The following DOCK3 variants were observed in gnomAD, a reference collection of about 807,000 sequenced individuals.
The protein encoded by DOCK3 is dedicator of cytokinesis 3, also known as dedicator of cytokinesis protein 3.
In DOCK3, 60 loss-of-function variants were observed where a neutral mutation model predicts 265.6. The ratio of observed to expected loss-of-function variants is 0.23; its 90% CI spans 0.18 to 0.28. The LOEUF (loss-of-function observed/expected upper bound fraction) is 0.28. Ranked by LOEUF, DOCK3 falls within the 10% of genes least tolerant of loss-of-function variation. The pLI, the probability that DOCK3 is intolerant of heterozygous loss-of-function variation, is 1.00. For synonymous variants in DOCK3, 881 were observed against 938.0 expected, an observed-to-expected ratio of 0.94 and a Z score of 1.11; for missense variants, 1,981 against 2,594.3, an observed-to-expected ratio of 0.76 and a Z score of 5.14.
intron 1 of DOCK3, among the ~76,000 whole-genome samples, chr3:50,706,757 G>A (rs936697138): frequency 2.0e-5 from 3 of 151,784 alleles, no homozygotes; most frequent in African/African-American, 7.3e-5. Context: ...GGTGTCTTGT[G>A]TGTCTCATAG....
At chr3:51,183,461 G>A (rs965932039) in intron 12 of DOCK3, among the ~76,000 whole-genome samples, 5 of 151,804 alleles carry the variant, frequency 3.3e-5, no homozygotes, top group Non-Finnish European at 5.9e-5. Context: ...ATAGTAAGAG[G>A]GACTTTGGGC....
chr3:50,953,730 C>T (rs534598812), intron 5 of DOCK3, among the ~76,000 whole-genome samples: 5 of 152,032 alleles, frequency 3.3e-5, no homozygotes, highest in African/African-American at 7.2e-5. Context: ...TAAAATTTCA[C>T]CTCCTCACAT....
At chr3:50,684,081 A>G (rs1443048213) in intron 1 of DOCK3, among the ~76,000 whole-genome samples, 2 of 152,054 alleles carry the variant, frequency 1.3e-5, no homozygotes, top group Admixed American at 6.5e-5. Context: ...TTGGAATCCC[A>G]TGATTCCCTT....
At chr3:50,746,481 A>G (rs1576317646) in intron 1 of DOCK3, among the ~76,000 whole-genome samples, 1 of 152,112 alleles carries the variant, frequency 6.6e-6, no homozygotes, top group East Asian at 1.9e-4. Flanking sequence ...CCTTTGCCTA[A>G]CCGAAGGTCA....
At chr3:50,760,758 A>T (rs1464125886) in intron 1 of DOCK3, among the ~76,000 whole-genome samples, 1 of 151,454 alleles carries the variant, frequency 6.6e-6, no homozygotes, top group African/African-American at 2.4e-5. Context: ...CTAGTTTGCT[A>T]CCTCTAATAG....
chr3:50,757,550 A>G (rs1372340437), intron 1 of DOCK3, among the ~76,000 whole-genome samples: 1 of 151,680 alleles, frequency 6.6e-6, no homozygotes, highest in Non-Finnish European at 1.5e-5. Flanking sequence ...TATGTGATAT[A>G]TAGATATTTT....
intron 5 of DOCK3, among the ~76,000 whole-genome samples, chr3:50,975,302 T>G (rs1159613855): frequency 8.6e-5 from 13 of 151,588 alleles, no homozygotes; most frequent in African/African-American, 2.7e-4. Flanking sequence ...CTTATTATTT[T>G]GAAATATGTC....
intron 13 of DOCK3, among the ~76,000 whole-genome samples, chr3:51,209,543 A>G (rs900283336): frequency 1.3e-5 from 2 of 152,230 alleles, no homozygotes; most frequent in Non-Finnish European, 2.9e-5. Flanking sequence ...GCAGATAGCT[A>G]TCTAATTTAC....
chr3:50,803,680 G>A (rs2108692964), intron 2 of DOCK3, among the ~76,000 whole-genome samples: 1 of 151,308 alleles, frequency 6.6e-6, no homozygotes, highest in African/African-American at 2.4e-5. Context: ...CTCCCAGATG[G>A]GGCGGCTACC....
intron 5 of DOCK3, among the ~76,000 whole-genome samples, chr3:50,950,950 C>T (rs945704194): frequency 2.0e-5 from 3 of 150,854 alleles, no homozygotes; most frequent in Non-Finnish European, 4.5e-5. Context: ...TCCAAAAGAA[C>T]GGAGGGAATC....
intron 10 of DOCK3, 120 bp from the exon 11 acceptor site, chr3:51,159,124 C>T (rs1307936325): frequency 1.9e-5 from 16 of 825,416 alleles, no homozygotes; most frequent in Non-Finnish European, 2.9e-5. Context: ...GTGCTATATG[C>T]TGTAATCTCC....
chr3:50,868,220 C>G (rs551598430), intron 3 of DOCK3, among the ~76,000 whole-genome samples: 141 of 152,114 alleles, frequency 9.3e-4, no homozygotes, highest in African/African-American at 3.3e-3. Flanking sequence ...ATTACAGGCA[C>G]GTGCCACCAC....
At chr3:51,139,101 A>AG (rs1185503878) in intron 9 of DOCK3, among the ~76,000 whole-genome samples, 3 of 152,112 alleles carry the variant, frequency 2.0e-5, no homozygotes, top group Non-Finnish European at 2.9e-5. Context: ...AGGTTGTACT[A>AG]GGGGTCATCT....
Position 51,381,065 on chromosome 3 carries a change from A to G in DOCK3, c.5599A>G (p.Ile1867Val). The part of the protein sequence containing the change: ...RTLRKSPLHP[I>V]PASPTSPQSG... ...TCCTTCGCAGTCTCCTCTCCACCCTATCCCAGCCTCCCCCACAAGCCCCCA... is the reference window on the plus strand; with the variant it reads ...TCCTTCGCAGTCTCCTCTCCACCCTGTCCCAGCCTCCCCCACAAGCCCCCA... The change falls in exon 53 of 53, where the codon ATC (isoleucine) becomes GTC (valine). Residue 1867 changes from isoleucine (I) to valine (V), a missense_variant. Transcript: ENST00000266037. The surrounding 1 kb of genome is among the most constrained non-coding windows in gnomAD (Gnocchi z 5.6). The G allele has an allele frequency of 1.9e-6, 3 of 1,602,796 alleles. No individual in the cohort carries two copies. The highest frequency in any genetic ancestry group is 2.6e-6 in the Non-Finnish European group (3 of 1,172,664).
chr3:51,233,249 C>T (rs2078200888), intron 19 of DOCK3, among the ~76,000 whole-genome samples: 1 of 152,054 alleles, frequency 6.6e-6, no homozygotes, highest in South Asian at 2.1e-4. Flanking sequence ...TTCTTCCAAC[C>T]CATGAGCACG....
intron 10 of DOCK3, among the ~76,000 whole-genome samples, chr3:51,158,959 G>T (rs1005686701): frequency 1.3e-5 from 2 of 152,264 alleles, no homozygotes; most frequent in East Asian, 3.9e-4. Flanking sequence ...GGAATAAGGC[G>T]ATATCATGAA....
At chr3:50,742,173 A>G (rs1249957074) in intron 1 of DOCK3, among the ~76,000 whole-genome samples, 2 of 152,310 alleles carry the variant, frequency 1.3e-5, no homozygotes, top group Non-Finnish European at 2.9e-5. Context: ...CAGAAAGGAC[A>G]TCCACACCAA....
chr3:50,844,185 C>G (rs1205619831), intron 3 of DOCK3, among the ~76,000 whole-genome samples: 1 of 152,080 alleles, frequency 6.6e-6, no homozygotes, highest in South Asian at 2.1e-4. Flanking sequence ...AATATCTGAA[C>G]TAGACAGTGA....
chr3:51,283,936 G>A (rs1488291433), intron 27 of DOCK3, among the ~76,000 whole-genome samples: 2 of 152,176 alleles, frequency 1.3e-5, no homozygotes, highest in African/African-American at 4.8e-5. Flanking sequence ...TTTCTCCCTG[G>A]AAGGGGTGTA....
Sources: gnomAD v4.1 joint callset for allele counts (sites outside exome capture counted in the v4.1 genomes callset) on GRCh38, gnomAD v4.1.1 for gene constraint, Gnocchi (gnomAD v3.1) non-coding constraint, MANE v1.5 for transcripts, NCBI Gene and HGNC (gene_info 2026-07-23, HGNC 2026-07-21) for gene names.